The following NCKAP1L variants were observed in gnomAD, a reference collection of about 807,000 sequenced individuals.
NCKAP1L encodes nck-associated protein 1-like.
A neutral mutation model predicts 139.2 loss-of-function variants in NCKAP1L; 53 were observed. The ratio of observed to expected loss-of-function variants is 0.38; its 90% CI spans 0.31 to 0.48. The LOEUF is 0.48. Ranked by LOEUF, NCKAP1L falls within the 20% of genes least tolerant of loss-of-function variation. The pLI, the probability that NCKAP1L is intolerant of heterozygous loss-of-function variation, is 0.98. For missense variants in NCKAP1L, 1,151 were observed against 1,381.9 expected (o/e 0.83, Z 2.65); for synonymous variants, 468 against 499.7 (o/e 0.94, Z 0.85).
chr12:54,536,312 A>C, intron 28 of NCKAP1L, 67 bp downstream of exon 28: 1 of 1,134,884 alleles, frequency 8.8e-7, no homozygotes, highest in Non-Finnish European at 1.3e-6. Flanking sequence ...GAGAGAGGAG[A>C]CAGAGATACT....
intron 21 of NCKAP1L, among the ~76,000 whole-genome samples, chr12:54,526,989 C>A (rs77357681): frequency 0.016 from 2,507 of 152,294 alleles, 37 homozygotes; most frequent in East Asian, 0.037. Flanking sequence ...GTTATTTGAC[C>A]TTTTCTCTCT....
chr12:54,538,798 C>G, intron 29 of NCKAP1L, 86 bp from the exon 30 acceptor site: 2 of 1,016,750 alleles, frequency 2.0e-6, no homozygotes, highest in Non-Finnish European at 3.1e-6. Flanking sequence ...TAACTCTCTC[C>G]TTGATCTTTT....
chr12:54,498,213 A>G (rs1178101481), intron 1 of NCKAP1L, among the ~76,000 whole-genome samples: 4 of 152,118 alleles, frequency 2.6e-5, no homozygotes, highest in East Asian at 1.9e-4. Flanking sequence ...CTGGGGTCCA[A>G]CCTTCTGGGT....
intron 26 of NCKAP1L, among the ~76,000 whole-genome samples, chr12:54,534,682 A>G (rs1957100124): frequency 6.6e-6 from 1 of 152,258 alleles, no homozygotes; most frequent in Non-Finnish European, 1.5e-5. Flanking sequence ...GGGACAGTGA[A>G]TAAATTATCC....
intron 24 of NCKAP1L, 21 bp downstream of exon 24, chr12:54,531,605 T>C (rs1957072426): frequency 1.9e-6 from 3 of 1,611,876 alleles, no homozygotes; most frequent in African/African-American, 1.3e-5. Context: ...TCTTCCCCTA[T>C]AGTGAGAAGG....
chr12:54,518,467 G>C, intron 13 of NCKAP1L, 184 bp from the exon 14 acceptor site: 2 of 663,870 alleles, frequency 3.0e-6, no homozygotes, highest in Non-Finnish European at 5.4e-6. Context: ...AAAATAAAGA[G>C]AAACTGGATG....
chr12:54,535,988 C>A, intron 27 of NCKAP1L, 141 bp from the exon 28 acceptor site: 1 of 630,580 alleles, frequency 1.6e-6, no homozygotes, highest in Admixed American at 2.4e-5. Flanking sequence ...ATAACTTGCC[C>A]ATAGGCTTTA....
chr12:54,511,991 A>T lies in NCKAP1L; in HGVS notation c.827A>T (p.Gln276Leu), dbSNP rs775858575. 1 of 1,614,224 alleles carries T rather than the reference A, an allele frequency of 6.2e-7. No homozygotes were observed. The highest frequency in any genetic ancestry group is 8.5e-7 in the Non-Finnish European group (1 of 1,180,042). The change falls in exon 9 of 31, where the codon CAG (glutamine) becomes CTG (leucine). Residue 276 changes from glutamine (Q) to leucine (L), a missense_variant. Gln to Leu is a moderately radical substitution (Grantham distance 113). Coordinates refer to ENST00000293373, the MANE Select transcript of NCKAP1L (RefSeq NM_005337.5). ...CATGGGTGCCTCAACTCCAATAGCCAGTGCCAGAAGCTGTGGAAGCTGTGT... is the reference window on the plus strand; with the variant it reads ...CATGGGTGCCTCAACTCCAATAGCCTGTGCCAGAAGCTGTGGAAGCTGTGT... ...LCHGCLNSNS[Q>L]CQKLWKLCLQ...
chr12:54,499,293 G>A (rs371855475), intron 1 of NCKAP1L, 62 bp from the exon 2 acceptor site: 2 of 924,806 alleles, frequency 2.2e-6, no homozygotes, highest in East Asian at 4.8e-5. Flanking sequence ...AATGTTGCAA[G>A]AAGAGGTATG....
At chr12:54,529,606 G>A (rs1409836596) in intron 22 of NCKAP1L, among the ~76,000 whole-genome samples, 1 of 152,178 alleles carries the variant, frequency 6.6e-6, no homozygotes, top group Non-Finnish European at 1.5e-5. Context: ...TCAGTAAGCT[G>A]ACCCTACGCT....
chr12:54,501,510 CT>C (rs58845746), intron 3 of NCKAP1L, among the ~76,000 whole-genome samples: 11 of 148,484 alleles, frequency 7.4e-5, no homozygotes, highest in Admixed American at 6.7e-5. Flanking sequence ...CTATTATTAA[CT>C]TTTTTTTTTT....
In NCKAP1L at chr12:54,545,814, A is replaced by G. The variant is rs1957192737; in HGVS notation, c.*3129A>G. On this transcript the variant is annotated 3_prime_UTR_variant, in exon 31 of 31. Coordinates refer to ENST00000293373, the MANE Select transcript of NCKAP1L (RefSeq NM_005337.5). Reference sequence around the variant, plus strand: ...AACTTGCTTGCAGCAATGAGATGGAATTATGCCTCCCACAAGGCCTGGGGC... The same window carrying G: ...AACTTGCTTGCAGCAATGAGATGGAGTTATGCCTCCCACAAGGCCTGGGGC... 3 of 152,246 alleles carry G rather than the reference A, an allele frequency of 2.0e-5. No individual in the cohort carries two copies. The South Asian group carries it at 6.2e-4, about 31-fold the overall frequency. The allele number at this position is 152,246 out of a possible 1,614,324, so 9.4% of individuals were successfully genotyped here. A position where few individuals can be genotyped will look rare whatever the true frequency, so the allele number is the denominator to read the frequency against.
chr12:54,525,937 T>C (rs1363548996), intron 20 of NCKAP1L, among the ~76,000 whole-genome samples: 1 of 152,146 alleles, frequency 6.6e-6, no homozygotes, highest in Admixed American at 6.5e-5. Context: ...GGTGTGCCCC[T>C]ACAATAATAT....
chr12:54,541,594 G>T (rs1957158444), intron 30 of NCKAP1L, among the ~76,000 whole-genome samples: 1 of 152,154 alleles, frequency 6.6e-6, no homozygotes, highest in Non-Finnish European at 1.5e-5. Context: ...CTGCTCTTTT[G>T]CAGCTGTTGT....
At chr12:54,520,992 TTTC>T (rs1243725643) in intron 17 of NCKAP1L, 124 bp from the exon 18 acceptor site, 3 of 1,516,710 alleles carry the variant, frequency 2.0e-6, no homozygotes, top group Non-Finnish European at 2.7e-6. Flanking sequence ...TGGGCCTCAG[TTTC>T]TTCTTCTGTA....
chr12:54,514,473 A>G (rs571882359), intron 9 of NCKAP1L, among the ~76,000 whole-genome samples: 182 of 151,898 alleles, frequency 1.2e-3, no homozygotes, highest in Admixed American at 2.0e-3. Flanking sequence ...AGGCATGTAC[A>G]ACCACCCCCA....
Position 54,517,978 on chromosome 12 carries a change from T to C in NCKAP1L, c.1338+40T>C, listed in dbSNP as rs377638435. ...TGATTATACTTTGGAAATTTCAGGA[T>C]GATCCCTAGTGATTTTCCTATTGAA... On this transcript the variant is annotated intron_variant, in intron 13 of 30. Transcript: ENST00000293373. 3.1e-6 allele frequency: 5 copies of C among 1,608,054 alleles called. 1 individual carries two copies. In the Admixed American group the frequency reaches 5.0e-5, roughly 16 times the overall value.
chr12:54,534,095 TA>T (rs1001707175), intron 26 of NCKAP1L, among the ~76,000 whole-genome samples: 3 of 152,326 alleles, frequency 2.0e-5, no homozygotes, highest in African/African-American at 7.2e-5. Context: ...AGCATTATGT[TA>T]AACACTAGAG....
At chr12:54,532,287 CT>C (rs1232148925) in intron 26 of NCKAP1L, 37 bp downstream of exon 26, 5 of 1,548,032 alleles carry the variant, frequency 3.2e-6, no homozygotes, top group Non-Finnish European at 4.4e-6. Flanking sequence ...AATTAGGAGA[CT>C]TTTGTTGTTG....
Sources: allele counts gnomAD v4.1 joint callset (sites outside exome capture counted in the v4.1 genomes callset), GRCh38; gene constraint gnomAD v4.1.1; transcripts MANE v1.5; gene names NCBI Gene and HGNC (gene_info 2026-07-23, HGNC 2026-07-21).